Variants in TUBGCP5 observed in about 807,000 individuals in gnomAD.
TUBGCP5 encodes gamma-tubulin complex component 5.
TUBGCP5 carries 98 observed loss-of-function variants against 134.7 expected under a neutral mutation model. The observed-to-expected ratio is 0.73, with a 90% CI of 0.62 to 0.86. TUBGCP5 has a LOEUF of 0.86. Among genes scored for constraint, TUBGCP5 ranks in the 40% least tolerant of loss-of-function variants. The pLI is 0.00. For synonymous variants in TUBGCP5, 456 were observed against 431.4 expected (o/e 1.06, Z -0.71); for missense variants, 1,150 against 1,244.8 (o/e 0.92, Z 1.15).
chr15:23,024,763 T>G lies in TUBGCP5; in HGVS notation c.895A>C (p.Asn299His). ...TGTGTTAAATGAGTTACTATAATAT[T>G]GTTTCTCACAGTTACCTTCCCATCT... is the stretch of plus-strand genomic sequence containing the variant. ...LIDGKVTVRN[N>H]IIVTHLTHSC... is the part of the protein sequence containing the mutation. Residue 299 changes from asparagine (N) to histidine (H), a missense_variant, in exon 9 of 23, where the codon AAT (asparagine) becomes CAT (histidine). This residue lies in a region of TUBGCP5 where 453 missense variants were observed against 394.7 expected (regional missense o/e 1.15). Coordinates refer to ENST00000615383, the MANE Select transcript of TUBGCP5 (RefSeq NM_052903.6). 6.3e-7 allele frequency: 1 copy of G among 1,581,936 alleles called. No homozygotes were observed.
chr15:22,984,133 G>A lies in TUBGCP5; in HGVS notation c.*62-522C>T, dbSNP rs117416343. 7.6e-3 allele frequency among the ~76,000 whole-genome samples: 1,154 copies of A among 151,916 alleles called. 13 individuals are homozygous for A. Among genetic ancestry groups the A allele is most frequent in the Non-Finnish European group, 0.01 (693 of 67,918 alleles). Reference sequence around the variant, plus strand: ...TGACCCTGTCTCAAAAAAATAGAACGAAATAAAATAAAATAAAATAAATAA... The same window carrying A: ...TGACCCTGTCTCAAAAAAATAGAACAAAATAAAATAAAATAAAATAAATAA... On this transcript the variant is annotated intron_variant and NMD_transcript_variant, in intron 23 of 23. Transcript: ENST00000614508.
At chr15:23,019,165 G>A (rs1407524722) in intron 12 of TUBGCP5, 54 bp downstream of exon 12, 1 of 1,260,444 alleles carries the variant, frequency 7.9e-7, no homozygotes, top group African/African-American at 1.5e-5. Flanking sequence ...ATTTTCATGG[G>A]GAGGAAACTG....
chr15:23,033,739 C>T (rs944689998), intron 3 of TUBGCP5, among the ~76,000 whole-genome samples: 1 of 152,152 alleles, frequency 6.6e-6, no homozygotes, highest in African/African-American at 2.4e-5. Context: ...GTTTCCCACA[C>T]CTTTTATTAA....
At chr15:23,037,045 A>T in intron 2 of TUBGCP5, 40 bp from the exon 3 acceptor site, 3 of 1,594,954 alleles carry the variant, frequency 1.9e-6, no homozygotes, top group Non-Finnish European at 2.6e-6. Flanking sequence ...TCTTAAAAAG[A>T]TCTATAAGAA....
intron 1 of TUBGCP5, among the ~76,000 whole-genome samples, chr15:23,038,086 A>T (rs906012023): frequency 1.2e-4 from 19 of 152,244 alleles, no homozygotes; most frequent in African/African-American, 4.3e-4. Flanking sequence ...GAATGTAAAC[A>T]TGAACTATTC....
chr15:23,012,056 C>T (rs963790514), intron 13 of TUBGCP5, among the ~76,000 whole-genome samples: 1 of 148,266 alleles, frequency 6.7e-6, no homozygotes, highest in Non-Finnish European at 1.5e-5. Flanking sequence ...GGTTGCAATG[C>T]GCTGAGATCA....
chr15:23,006,054 C>T lies in TUBGCP5; in HGVS notation c.2531G>A (p.Gly844Asp), dbSNP rs776031153. The T allele has an allele frequency of 1.3e-6, 2 of 1,590,758 alleles. No individual in the cohort carries two copies. Among genetic ancestry groups the T allele is most frequent in the South Asian group, 2.3e-5 (2 of 85,322 alleles). The change falls in exon 18 of 23, where the codon GGT becomes GAT. Residue 844 changes from glycine to aspartate, a missense_variant and splice_region_variant. Physicochemically the swap from Gly to Asp is moderately conservative, Grantham distance 94. Around this residue, in one of 2 missense-constraint regions of TUBGCP5, gnomAD observed 697 missense variants for 850.1 expected, o/e 0.82. Coordinates refer to ENST00000615383, the MANE Select transcript of TUBGCP5 (RefSeq NM_052903.6). The stretch of plus-strand genomic sequence containing the variant: ...TATCTGCTGAAAACAAATCTTACCA[C>T]CAAAAAGTAAAACATCCAGACTATA... Reference protein sequence around the residue: ...AKYSLDVLLFGELVSTAEKPR... With the variant: ...AKYSLDVLLFDELVSTAEKPR...
At chr15:22,983,247 A>T (rs2063586310) in exon 24 of TUBGCP5, 1 of 152,216 alleles carries the variant, frequency 6.6e-6, no homozygotes. Context: ...TAAACACGTA[A>T]CATTCACAAA....
In TUBGCP5 at chr15:23,026,098, T is replaced by C. The variant is rs1454390924; in HGVS notation, c.827+18A>G. ...ATCAAGTCTCATAAAGACTATTAAT[T>C]AAATGAACATTTCTTACCATAGGGT... On this transcript the variant is annotated intron_variant, in intron 8 of 22. Coordinates refer to ENST00000615383, the MANE Select transcript of TUBGCP5 (RefSeq NM_052903.6). The C allele has an allele frequency of 6.3e-7, 1 of 1,586,304 alleles. No individual in the cohort carries two copies. The highest frequency in any genetic ancestry group is 8.6e-7 in the Non-Finnish European group (1 of 1,168,448).
intron 22 of TUBGCP5, 35 bp from the exon 23 acceptor site, chr15:22,999,901 G>T: frequency 1.2e-6 from 2 of 1,607,670 alleles, no homozygotes; most frequent in East Asian, 2.2e-5. Flanking sequence ...TAAAACAATA[G>T]GTTTAAATGT....
chr15:23,039,260 G>C (rs2066776829), intron 1 of TUBGCP5, 138 bp downstream of exon 1: 3 of 995,796 alleles, frequency 3.0e-6, no homozygotes, highest in Non-Finnish European at 3.9e-6. Flanking sequence ...CGGTGGCAGG[G>C]CCTGCGAAGG....
At chr15:23,030,601 T>TAAAAA (rs10632423) in intron 6 of TUBGCP5, among the ~76,000 whole-genome samples, 2 of 119,550 alleles carry the variant, frequency 1.7e-5, no homozygotes, top group Non-Finnish European at 3.5e-5. Flanking sequence ...CTTCTCCAAT[T>TAAAAA]AAAAAAAAAA....
At chr15:23,028,430 A>G (rs559780697) in intron 6 of TUBGCP5, among the ~76,000 whole-genome samples, 1 of 151,860 alleles carries the variant, frequency 6.6e-6, no homozygotes, top group Admixed American at 6.6e-5. Flanking sequence ...CGATCTAAAA[A>G]TGTACTAAAA....
chr15:23,031,665 T>C (rs1203648419), intron 5 of TUBGCP5, among the ~76,000 whole-genome samples: 2 of 152,166 alleles, frequency 1.3e-5, no homozygotes, highest in Non-Finnish European at 1.5e-5. Context: ...GATCTCGCTA[T>C]GTTGCCCAGG....
intron 19 of TUBGCP5, 71 bp downstream of exon 19, chr15:23,005,361 T>C (rs2064640388): frequency 3.3e-6 from 5 of 1,508,504 alleles, no homozygotes; most frequent in East Asian, 4.6e-5. Context: ...ATAAACATAG[T>C]ATGAGTAATT....
chr15:23,014,660 C>A (rs1045291271), intron 13 of TUBGCP5, among the ~76,000 whole-genome samples: 1 of 152,158 alleles, frequency 6.6e-6, no homozygotes, highest in Non-Finnish European at 1.5e-5. Flanking sequence ...GAGAAAGAGC[C>A]CCTTGAACTG....
intron 3 of TUBGCP5, among the ~76,000 whole-genome samples, chr15:23,035,329 T>TAA (rs71117460): frequency 4.5e-5 from 6 of 134,616 alleles, no homozygotes; most frequent in African/African-American, 8.5e-5. Context: ...CACTCAGTCT[T>TAA]AAAAAAAAAA....
intron 3 of TUBGCP5, among the ~76,000 whole-genome samples, chr15:23,033,195 TATC>T (rs1315721782): frequency 6.6e-6 from 1 of 152,190 alleles, no homozygotes. Context: ...AACTAAGATG[TATC>T]ATATTTTATT....
Position 23,024,211 on chromosome 15 carries a change from TG to T in TUBGCP5, c.922-19del. 1 of 1,606,556 alleles carries T rather than the reference TG, an allele frequency of 6.2e-7. No homozygotes were observed. Among genetic ancestry groups the T allele is most frequent in the East Asian group, 2.2e-5 (1 of 44,754 alleles). ...AAACAGCTCTACAACACAAGCAAACTGCAATTATTCAAAGGTGGTCTTCTGT... is the reference window on the plus strand; with the variant it reads ...AAACAGCTCTACAACACAAGCAAACTCAATTATTCAAAGGTGGTCTTCTGT... On this transcript the variant is annotated intron_variant, in intron 9 of 22. Coordinates refer to ENST00000615383, the MANE Select transcript of TUBGCP5 (RefSeq NM_052903.6).
Sources: allele counts gnomAD v4.1 joint callset (sites outside exome capture counted in the v4.1 genomes callset), GRCh38; gene constraint gnomAD v4.1.1; regional missense constraint gnomAD v4.1.1; transcripts MANE v1.5; gene names NCBI Gene and HGNC (gene_info 2026-07-23, HGNC 2026-07-21).